TMEM266: variants seen among roughly 807,000 people sequenced by gnomAD.
The protein encoded by TMEM266 is transmembrane protein 266, also known as Hv1 related protein 1.
In TMEM266, 33 loss-of-function variants were observed where a neutral mutation model predicts 50.5. The ratio of observed to expected loss-of-function variants is 0.65; its 90% CI spans 0.50 to 0.87. The LOEUF (loss-of-function observed/expected upper bound fraction) is 0.87. Ranked by LOEUF, TMEM266 falls within the 40% of genes least tolerant of loss-of-function variation. TMEM266 has a pLI of 0.00. For missense variants in TMEM266, 655 were observed against 695.1 expected, an observed-to-expected ratio of 0.94 and a Z score of 0.65; for synonymous variants, 310 against 292.3, an observed-to-expected ratio of 1.06 and a Z score of -0.62.
intron 1 of TMEM266, among the ~76,000 whole-genome samples, chr15:76,089,985 C>T (rs1017017608): frequency 1.3e-5 from 2 of 152,020 alleles, no homozygotes; most frequent in East Asian, 1.9e-4. Flanking sequence ...ATAAAAACCA[C>T]GAACATGGAA....
chr15:76,095,668 G>T (rs949895201), intron 1 of TMEM266, among the ~76,000 whole-genome samples: 13 of 151,936 alleles, frequency 8.6e-5, no homozygotes, highest in African/African-American at 3.1e-4. Flanking sequence ...TCTATTGATC[G>T]GAATAGTTTC....
chr15:76,073,313 A>G (rs1347941671), intron 1 of TMEM266, among the ~76,000 whole-genome samples: 1 of 150,414 alleles, frequency 6.6e-6, no homozygotes, highest in Non-Finnish European at 1.5e-5. Flanking sequence ...GCTCACTGCA[A>G]CCTCTGCCTC....
chr15:76,192,589 C>T (rs2038596453), intron 9 of TMEM266, among the ~76,000 whole-genome samples: 1 of 152,142 alleles, frequency 6.6e-6, no homozygotes, highest in Non-Finnish European at 1.5e-5. Context: ...TGGACTACCA[C>T]CTACTGGGGC....
chr15:76,084,963 T>C (rs2036752823), intron 1 of TMEM266, among the ~76,000 whole-genome samples: 1 of 150,908 alleles, frequency 6.6e-6, no homozygotes, highest in African/African-American at 2.4e-5. Flanking sequence ...TTTTTCCTTT[T>C]TTTTTTTTTT....
Position 76,116,537 on chromosome 15 carries a change from G to A in TMEM266, c.-96-17631G>A, listed in dbSNP as rs73446407. Among the ~76,000 whole-genome samples, 780 of 151,394 alleles carry A rather than the reference G, an allele frequency of 5.2e-3. 7 individuals carry two copies. The highest frequency in any genetic ancestry group is 0.018 in the African/African-American group (732 of 41,218). ...CTCTCCTCACTAATGAATCTCTAGC[G>A]TTCTCTCCTGCACCCATCCGGAGTG... On this transcript the variant is annotated intron_variant, in intron 1 of 10. Coordinates refer to ENST00000388942, the MANE Select transcript of TMEM266 (RefSeq NM_152335.3).
chr15:76,197,705 C>A (rs1343866481), intron 9 of TMEM266, among the ~76,000 whole-genome samples: 1 of 152,190 alleles, frequency 6.6e-6, no homozygotes, highest in African/African-American at 2.4e-5. Context: ...GGAGCCCAAA[C>A]CAGGAATCAG....
chr15:76,067,670 G>C (rs1029103699), intron 1 of TMEM266, among the ~76,000 whole-genome samples: 1 of 96,252 alleles, frequency 1.0e-5, no homozygotes, highest in African/African-American at 3.5e-5. Flanking sequence ...GAAAAGAAAA[G>C]AAAAAGTCAT....
chr15:76,203,027 TCCA>T lies in TMEM266; in HGVS notation c.1022-712_1022-710del, dbSNP rs1446386299. Among the ~76,000 whole-genome samples the T allele has an allele frequency of 3.9e-5, 6 of 152,216 alleles. No homozygotes were observed. The East Asian group carries it at 9.7e-4, about 25-fold the overall frequency. ...CCAGCCCAGACCTCTCTCCCAGTCC[TCCA>T]CAACTTTGGGGAGAAACCTCCCCAC... On this transcript the variant is annotated intron_variant, in intron 10 of 10. Transcript: ENST00000388942.
intron 1 of TMEM266, among the ~76,000 whole-genome samples, chr15:76,119,290 G>C (rs1326336144): frequency 6.6e-6 from 1 of 150,576 alleles, no homozygotes; most frequent in Non-Finnish European, 1.5e-5. Flanking sequence ...TTGCCAGCTT[G>C]TAAGTCCTGG....
At chr15:76,181,471 T>A (rs1400991140) in intron 8 of TMEM266, 1 of 152,236 alleles carries the variant, frequency 6.6e-6, no homozygotes, top group South Asian at 2.1e-4. Flanking sequence ...CCTTCCAGAC[T>A]CCCCGCTGCT....
intron 3 of TMEM266, among the ~76,000 whole-genome samples, chr15:76,147,842 A>T (rs1270119058): frequency 6.6e-6 from 1 of 152,272 alleles, no homozygotes; most frequent in East Asian, 1.9e-4. Context: ...ACTAGCCTGG[A>T]GTGTGAGAAC....
At chr15:76,106,404 G>A (rs926554186) in intron 1 of TMEM266, among the ~76,000 whole-genome samples, 1 of 151,990 alleles carries the variant, frequency 6.6e-6, no homozygotes, top group Non-Finnish European at 1.5e-5. Flanking sequence ...ACAACATAAT[G>A]TGTGTTTTTA....
At chr15:76,108,158 C>T (rs1358107271) in intron 1 of TMEM266, among the ~76,000 whole-genome samples, 1 of 152,212 alleles carries the variant, frequency 6.6e-6, no homozygotes. Context: ...CATGCTCTGT[C>T]GTGACAACTT....
intron 8 of TMEM266, chr15:76,175,923 A>C: frequency 2.8e-6 from 1 of 360,870 alleles, no homozygotes. Flanking sequence ...TAGCACGGTG[A>C]CTCTTCAGCT....
intron 2 of TMEM266, among the ~76,000 whole-genome samples, chr15:76,137,385 G>C (rs547099024): frequency 6.6e-5 from 10 of 152,318 alleles, no homozygotes; most frequent in African/African-American, 2.4e-4. Context: ...CTAAGCCATA[G>C]TTTTGCGGGC....
At chr15:76,170,894 G>A in intron 6 of TMEM266, 99 bp from the exon 7 acceptor site, 1 of 1,439,222 alleles carries the variant, frequency 6.9e-7, no homozygotes, top group Non-Finnish European at 9.3e-7. Context: ...GGCCCGGGCT[G>A]CTGGAAAAGT....
rs755464123 is a variant in TMEM266, at chr15:76,171,085, C to T, written c.606C>T (p.Ser202=). 2 of 1,613,412 alleles carry T rather than the reference C, an allele frequency of 1.2e-6. No homozygotes were observed. Among genetic ancestry groups the T allele is most frequent in the African/African-American group, 1.3e-5 (1 of 74,936 alleles). Residue 202 remains serine, a synonymous_variant, in exon 7 of 11, where the codon AGC becomes AGT. Coordinates refer to ENST00000388942, the MANE Select transcript of TMEM266 (RefSeq NM_152335.3). ...CCAGGAGCCCCTGGGACGCCATCAG[C>T]CTCATCATCATGCTCCGGATCTGGA...
chr15:76,110,640 G>A (rs2037157258), intron 1 of TMEM266, among the ~76,000 whole-genome samples: 1 of 152,168 alleles, frequency 6.6e-6, no homozygotes, highest in South Asian at 2.1e-4. Context: ...TCACCCAGGT[G>A]TATCTGTCTG....
chr15:76,186,766 C>G (rs2038495978), intron 8 of TMEM266, among the ~76,000 whole-genome samples: 1 of 152,228 alleles, frequency 6.6e-6, no homozygotes, highest in Non-Finnish European at 1.5e-5. Flanking sequence ...ATGGTCCTTT[C>G]AAAATGCCCA....
Sources: gnomAD v4.1 joint callset for allele counts (sites outside exome capture counted in the v4.1 genomes callset) on GRCh38, gnomAD v4.1.1 for gene constraint, MANE v1.5 for transcripts, NCBI Gene and HGNC (gene_info 2026-07-23, HGNC 2026-07-21) for gene names.